GRM1: variants seen among roughly 807,000 people sequenced by gnomAD.
GRM1 encodes glutamate metabotropic receptor 1, also known as metabotropic glutamate receptor 1.
GRM1 carries 33 observed loss-of-function variants against 90.9 expected under a neutral mutation model. The observed-to-expected ratio is 0.36, with a 90% confidence interval of 0.28 to 0.49. GRM1 has a LOEUF of 0.49. GRM1 is among the 20% of genes least tolerant of loss of function. GRM1 has a pLI of 0.99. For synonymous variants in GRM1, 700 were observed against 613.2 expected, an observed-to-expected ratio of 1.14 and a Z score of -2.09; for missense variants, 1,190 against 1,534.3, an observed-to-expected ratio of 0.78 and a Z score of 3.75.
intron 1 of GRM1, among the ~76,000 whole-genome samples, chr6:146,084,122 C>T (rs1478876772): frequency 2.0e-5 from 3 of 151,994 alleles, no homozygotes; most frequent in Non-Finnish European, 2.9e-5. Flanking sequence ...ATTCTTCTCT[C>T]TTTTCTTCTT....
chr6:146,194,175 T>G (rs1779032621), intron 2 of GRM1, among the ~76,000 whole-genome samples: 10 of 152,206 alleles, frequency 6.6e-5, no homozygotes, highest in Admixed American at 5.2e-4. Context: ...AATTTGGGCT[T>G]CTTCTTTTAT....
rs937914362 is a variant in GRM1, at chr6:146,437,167, A to G, written c.*2371A>G. 2.7e-4 allele frequency: 41 copies of G among 152,302 alleles called. No individual in the cohort carries two copies. Among genetic ancestry groups the G allele is most frequent in the African/African-American group, 8.9e-4 (37 of 41,576 alleles). The allele number at this position is 152,302 out of a possible 1,614,324, so 9.4% of individuals were successfully genotyped here. On this transcript the variant is annotated 3_prime_UTR_variant, in exon 8 of 8. Coordinates refer to ENST00000282753, the MANE Select transcript of GRM1 (RefSeq NM_001278064.2). ...CATATGATCTCTTTATTAGTGAATC[A>G]TGCTTATTTTTTACTCTTAATGCCA...
chr6:146,286,873 A>G, intron 2 of GRM1, among the ~76,000 whole-genome samples: 1 of 152,240 alleles, frequency 6.6e-6, no homozygotes, highest in Non-Finnish European at 1.5e-5. Context: ...GAAATAGTAA[A>G]CAACCTCAAG....
At chr6:146,119,500 T>G (rs1378086371) in intron 1 of GRM1, among the ~76,000 whole-genome samples, 1 of 152,074 alleles carries the variant, frequency 6.6e-6, no homozygotes, top group Non-Finnish European at 1.5e-5. Context: ...GTGTTTTAGA[T>G]ATGAAGTCCT....
intron 1 of GRM1, among the ~76,000 whole-genome samples, chr6:146,112,935 A>G (rs1775614841): frequency 6.6e-6 from 1 of 152,190 alleles, no homozygotes; most frequent in Non-Finnish European, 1.5e-5. Flanking sequence ...CTCACTTTGG[A>G]AACAATCAAT....
intron 5 of GRM1, among the ~76,000 whole-genome samples, chr6:146,366,467 G>A (rs993210842): frequency 6.6e-6 from 1 of 151,682 alleles, no homozygotes; most frequent in African/African-American, 2.4e-5. Flanking sequence ...ATTTTTATAC[G>A]CATTAACCAG....
chr6:146,148,125 G>A lies in GRM1; in HGVS notation c.701-11223G>A, dbSNP rs1039947095. ...AGAAAAATTGTTATGTGGGCATTAT[G>A]AGCGGTTCAATTCCCTTCTGGAAAA... On this transcript the variant is annotated intron_variant, in intron 1 of 7. Transcript: ENST00000282753. 1.2e-4 allele frequency among the ~76,000 whole-genome samples: 19 copies of A among 152,290 alleles called. 1 individual carries two copies. Among genetic ancestry groups the A allele is most frequent in the Admixed American group, 9.2e-4 (14 of 15,296 alleles).
At chr6:146,272,492 A>T (rs1213349169) in intron 2 of GRM1, among the ~76,000 whole-genome samples, 12 of 152,218 alleles carry the variant, frequency 7.9e-5, no homozygotes, top group Admixed American at 7.9e-4. Flanking sequence ...TAGAACTGAT[A>T]AATAGTGTTT....
chr6:146,256,247 G>A (rs6570748), intron 2 of GRM1, among the ~76,000 whole-genome samples: 31,739 of 152,134 alleles, frequency 0.21, 7,325 homozygotes, highest in African/African-American at 0.58. Flanking sequence ...AATGTTAAAT[G>A]AGAAAATATT....
At chr6:146,328,375 T>A (rs1326447614) in intron 3 of GRM1, among the ~76,000 whole-genome samples, 1 of 152,146 alleles carries the variant, frequency 6.6e-6, no homozygotes, top group African/African-American at 2.4e-5. Flanking sequence ...CTGACCTAGG[T>A]CTGTACCCTA....
At chr6:146,215,690 C>T (rs1234392479) in intron 2 of GRM1, among the ~76,000 whole-genome samples, 1 of 151,804 alleles carries the variant, frequency 6.6e-6, no homozygotes, top group Non-Finnish European at 1.5e-5. Context: ...GCTTATTTCA[C>T]AGCACATGCC....
intron 2 of GRM1, among the ~76,000 whole-genome samples, chr6:146,259,141 C>T (rs1164113369): frequency 5.3e-5 from 8 of 152,208 alleles, no homozygotes; most frequent in South Asian, 4.1e-4. Context: ...TCCTAGAGAA[C>T]GCTTTCCCTT....
intron 1 of GRM1, among the ~76,000 whole-genome samples, chr6:146,117,905 CAT>C (rs1040993427): frequency 2.6e-5 from 4 of 151,956 alleles, no homozygotes; most frequent in African/African-American, 9.7e-5. Flanking sequence ...ATTATTTTAA[CAT>C]GTAACTACTT....
intron 2 of GRM1, among the ~76,000 whole-genome samples, chr6:146,173,792 A>C (rs964236290): frequency 8.6e-5 from 13 of 151,152 alleles, no homozygotes; most frequent in African/African-American, 3.2e-4. Context: ...TCAGCCTCCC[A>C]AGTAGCTGGG....
chr6:146,401,504 GA>G (rs1455622280), intron 7 of GRM1, among the ~76,000 whole-genome samples: 4 of 152,072 alleles, frequency 2.6e-5, no homozygotes, highest in African/African-American at 7.2e-5. Flanking sequence ...GAAATAAGAG[GA>G]AAGAAAATGA....
intron 2 of GRM1, among the ~76,000 whole-genome samples, chr6:146,242,236 G>A (rs1238526444): frequency 6.6e-6 from 1 of 152,078 alleles, no homozygotes; most frequent in Admixed American, 6.6e-5. Context: ...TTACATATAT[G>A]AGCTCTAATC....
At position 146,030,201 on chromosome 6, in the gene GRM1, T is replaced by C. The variant is rs763027569; in HGVS notation, c.684T>C (p.Ser228=). 1 of 1,611,232 alleles carries C rather than the reference T, an allele frequency of 6.2e-7. No homozygotes were observed. Among genetic ancestry groups the C allele is most frequent in the Non-Finnish European group, 8.5e-7 (1 of 1,177,386 alleles). Residue 228 remains serine (S), a synonymous_variant, in exon 1 of 8, where the codon TCT becomes TCC. Coordinates refer to ENST00000282753, the MANE Select transcript of GRM1 (RefSeq NM_001278064.2). ...AACGTTACAATTGGACCTATGTCTC[T>C]GCAGTCCACACGGAAGGTAGGCATT... ...IVKRYNWTYV[S]AVHTEGNYGE...
chr6:146,143,763 A>G (rs551206533), intron 1 of GRM1, among the ~76,000 whole-genome samples: 57 of 152,342 alleles, frequency 3.7e-4, no homozygotes, highest in African/African-American at 1.3e-3. Flanking sequence ...TACTGAGAAT[A>G]TGAAAAATGT....
rs1411010357 is a variant in GRM1, at chr6:146,029,203, A to G, written c.-315A>G. ...TCTCTGTCTTTTGTCAGCAGCATCT[A>G]GCTCACCGCTGCCAACACGACTTCC... On this transcript the variant is annotated 5_prime_UTR_variant, in exon 1 of 8. Coordinates refer to ENST00000282753, the MANE Select transcript of GRM1 (RefSeq NM_001278064.2). 13 of 436,566 alleles carry G rather than the reference A, an allele frequency of 3.0e-5. No homozygotes were observed. The highest frequency in any genetic ancestry group is 1.8e-4 in the African/African-American group (9 of 50,094). 27.0% of individuals were successfully genotyped at this position (436,566 alleles called of 1,614,324 possible). A position where few individuals can be genotyped will look rare whatever the true frequency, so the allele number is the denominator to read the frequency against.
Sources: allele counts gnomAD v4.1 joint callset (sites outside exome capture counted in the v4.1 genomes callset), GRCh38; gene constraint gnomAD v4.1.1; transcripts MANE v1.5; gene names NCBI Gene and HGNC (gene_info 2026-07-23, HGNC 2026-07-21).